The following PDCL3 variants were observed in gnomAD, a reference collection of about 807,000 sequenced individuals.
The protein encoded by PDCL3 is phosducin like 3.
Under a neutral mutation model 26.5 loss-of-function variants are expected in PDCL3, and 22 were observed. That is an observed-to-expected ratio of 0.83 (90% confidence interval 0.59 to 1.19). The LOEUF (loss-of-function observed/expected upper bound fraction) is 1.19. Ranked by LOEUF, PDCL3 falls within the 50% of genes most tolerant of loss-of-function variation. The probability of loss-of-function intolerance (pLI) is 0.00; values close to 1 mark genes in which losing one functional copy is unlikely to be tolerated. For missense variants in PDCL3, 246 were observed against 294.1 expected (o/e 0.84, Z 1.20); for synonymous variants, 81 against 104.9 (o/e 0.77, Z 1.39).
At chr2:100,564,629 C>A (rs1310327185) in intron 1 of PDCL3, among the ~76,000 whole-genome samples, 2 of 152,184 alleles carry the variant, frequency 1.3e-5, no homozygotes, top group Admixed American at 1.3e-4. Flanking sequence ...AGAACTGTTA[C>A]ACAGGGTTGG....
chr2:100,569,133 G>C (rs370228404), intron 3 of PDCL3, 112 bp downstream of exon 3: 3 of 893,274 alleles, frequency 3.4e-6, no homozygotes, highest in African/African-American at 3.4e-5. Flanking sequence ...ACTCATACCT[G>C]TAGTCCCAAC....
In PDCL3 at chr2:100,566,578, G is replaced by T. The variant is rs904409882; in HGVS notation, c.82G>T (p.Glu28Ter). The change falls in exon 2 of 6, where the codon GAA becomes TAA. Residue 28 changes from glutamate (E) to a stop codon, truncating the protein, a stop_gained. Coordinates refer to ENST00000264254, the MANE Select transcript of PDCL3 (RefSeq NM_024065.5). LOFTEE classifies it high-confidence loss of function. Reference sequence around the variant, plus strand: ...CTTACCCCCCAAGGAAAGTCTGAAAGAATTGGAAGAGGAGGCAGAAGAGGA... The same window carrying T: ...CTTACCCCCCAAGGAAAGTCTGAAATAATTGGAAGAGGAGGCAGAAGAGGA... ...GILPPKESLKELEEEAEEEQR... is the reference protein window; with the variant it reads ...GILPPKESLK 6.2e-7 allele frequency: 1 copy of T among 1,614,002 alleles called. No individual in the cohort carries two copies. The highest frequency in any genetic ancestry group is 8.5e-7 in the Non-Finnish European group (1 of 1,179,912).
chr2:100,576,542 C>G lies in PDCL3; in HGVS notation c.*46C>G. On this transcript the variant is annotated 3_prime_UTR_variant, in exon 6 of 6. Coordinates refer to ENST00000264254, the MANE Select transcript of PDCL3 (RefSeq NM_024065.5). ...GCCGAACTTTCTTGTGACAAATTGTCTGGATTTTTTAAAAAAGGAAAAAGC... is the reference window on the plus strand; with the variant it reads ...GCCGAACTTTCTTGTGACAAATTGTGTGGATTTTTTAAAAAAGGAAAAAGC... The G allele has an allele frequency of 6.8e-7, 1 of 1,473,198 alleles. No individual in the cohort carries two copies. The highest frequency in any genetic ancestry group is 9.0e-7 in the Non-Finnish European group (1 of 1,106,458). 91.3% of individuals were successfully genotyped at this position (1,473,198 alleles called of 1,614,324 possible).
Position 100,563,369 on chromosome 2 carries a change from G to C in PDCL3, c.6+296G>C, listed in dbSNP as rs1674992429. Reference sequence around the variant, plus strand: ...GCCTGTGAAGGTCTTGCCGGATCCCGCCTAACAAAAGTTACCTCCTCTCCT... The same window carrying C: ...GCCTGTGAAGGTCTTGCCGGATCCCCCCTAACAAAAGTTACCTCCTCTCCT... On this transcript the variant is annotated intron_variant, in intron 1 of 5. Coordinates refer to ENST00000264254, the MANE Select transcript of PDCL3 (RefSeq NM_024065.5). The C allele has an allele frequency of 1.0e-5, 4 of 394,844 alleles. No individual in the cohort carries two copies. In the South Asian group the frequency reaches 2.5e-4, roughly 25 times the overall value. 24.5% of individuals were successfully genotyped at this position (394,844 alleles called of 1,614,324 possible).
chr2:100,563,398 C>G (rs1674992994), intron 1 of PDCL3: 2 of 330,366 alleles, frequency 6.1e-6, no homozygotes, highest in African/African-American at 4.4e-5. Flanking sequence ...CTCTCCTGAA[C>G]TCCCCTAAGG....
In PDCL3 at chr2:100,567,719, A is replaced by G. The variant is rs999837352; in HGVS notation, c.133+1090A>G. 5.3e-5 allele frequency among the ~76,000 whole-genome samples: 8 copies of G among 152,254 alleles called. No individual in the cohort carries two copies. The East Asian group carries it at 1.5e-3, about 29-fold the overall frequency. On this transcript the variant is annotated intron_variant, in intron 2 of 5. Coordinates refer to ENST00000264254, the MANE Select transcript of PDCL3 (RefSeq NM_024065.5). ...CTGGAGGCGCTGGGGGAGAGAGTTC[A>G]GAGCAGCCTCAGCAGACCCAGAAGC...
At position 100,576,429 on chromosome 2, in the gene PDCL3, A is replaced by G. The variant is rs1675285979; in HGVS notation, c.653A>G (p.Asp218Gly). Residue 218 changes from aspartate (D) to glycine (G), a missense_variant, in exon 6 of 6, where the codon GAC becomes GGC. Coordinates refer to ENST00000264254, the MANE Select transcript of PDCL3 (RefSeq NM_024065.5). ...LEENPKKPIEDVLLSSVRRSV... is the reference protein window; with the variant it reads ...LEENPKKPIEGVLLSSVRRSV... ...GAAAACCCTAAGAAGCCGATTGAAG[A>G]CGTGTTGCTGTCCTCAGTGCGGCGC... is the stretch of plus-strand genomic sequence containing the variant. 1 of 1,613,846 alleles carries G rather than the reference A, an allele frequency of 6.2e-7. No homozygotes were observed. Among genetic ancestry groups the G allele is most frequent in the Admixed American group, 1.7e-5 (1 of 59,988 alleles).
At chr2:100,567,571 T>C (rs1345762447) in intron 2 of PDCL3, among the ~76,000 whole-genome samples, 1 of 152,024 alleles carries the variant, frequency 6.6e-6, no homozygotes, top group Non-Finnish European at 1.5e-5. Flanking sequence ...AGAACACATT[T>C]GAATAGACCT....
At chr2:100,569,124 C>T (rs1317604656) in intron 3 of PDCL3, 103 bp downstream of exon 3, 3 of 978,538 alleles carry the variant, frequency 3.1e-6, no homozygotes, top group Non-Finnish European at 3.1e-6. Context: ...AGCATGGTGA[C>T]TCATACCTGT....
At chr2:100,576,260 T>C (rs1298085694) in intron 5 of PDCL3, 94 bp from the exon 6 acceptor site, 6 of 1,437,998 alleles carry the variant, frequency 4.2e-6, no homozygotes, top group Non-Finnish European at 5.6e-6. Flanking sequence ...ATAATTGTAT[T>C]TTCTACTTAG....
rs913713606 is a variant in PDCL3, at chr2:100,569,792, C to T, written c.368+71C>T. Reference sequence around the variant, plus strand: ...ATGTCTTCAGGATCTCAGGCGTTACCTATATCAGAGGGTTAAGAAATTTTT... The same window carrying T: ...ATGTCTTCAGGATCTCAGGCGTTACTTATATCAGAGGGTTAAGAAATTTTT... On this transcript the variant is annotated intron_variant, in intron 4 of 5. Coordinates refer to ENST00000264254, the MANE Select transcript of PDCL3 (RefSeq NM_024065.5). 1.9e-5 allele frequency: 29 copies of T among 1,540,636 alleles called. No homozygotes were observed. The African/African-American group carries it at 3.7e-4, about 20-fold the overall frequency.
chr2:100,563,266 C>T (rs1283365212), intron 1 of PDCL3, 193 bp downstream of exon 1: 3 of 564,754 alleles, frequency 5.3e-6, no homozygotes, highest in East Asian at 7.0e-5. Flanking sequence ...ACGGCCTGGG[C>T]GTCCCCGCCT....
intron 5 of PDCL3, among the ~76,000 whole-genome samples, chr2:100,572,924 G>A (rs767809138): frequency 6.6e-6 from 1 of 151,794 alleles, no homozygotes; most frequent in Non-Finnish European, 1.5e-5. Context: ...TTGCTCTTTC[G>A]CTCAGGCTGG....
At chr2:100,563,138 C>T in intron 1 of PDCL3, 65 bp downstream of exon 1, 2 of 1,546,730 alleles carry the variant, frequency 1.3e-6, no homozygotes, top group Non-Finnish European at 1.7e-6. Context: ...TAGGCCCGGG[C>T]GGGCAGTGGA....
intron 3 of PDCL3, 50 bp from the exon 4 acceptor site, chr2:100,569,528 T>C (rs376376452): frequency 4.4e-6 from 7 of 1,595,144 alleles, no homozygotes; most frequent in Non-Finnish European, 6.0e-6. Context: ...AGACGATGTG[T>C]GTGTACACGT....
chr2:100,576,447 T>C lies in PDCL3; in HGVS notation c.671T>C (p.Val224Ala). Residue 224 changes from valine to alanine, a missense_variant, in exon 6 of 6, where the codon GTG (valine) becomes GCG (alanine). Transcript: ENST00000264254. ...ATTGAAGACGTGTTGCTGTCCTCAG[T>C]GCGGCGCTCTGTCCTCATGAAGAGG... Reference protein sequence around the residue: ...KPIEDVLLSSVRRSVLMKRDS... With the variant: ...KPIEDVLLSSARRSVLMKRDS... The C allele has an allele frequency of 5.0e-6, 8 of 1,613,874 alleles. No individual in the cohort carries two copies. Among genetic ancestry groups the C allele is most frequent in the Non-Finnish European group, 6.8e-6 (8 of 1,179,830 alleles).
intron 2 of PDCL3, among the ~76,000 whole-genome samples, chr2:100,567,008 G>T (rs1675072440): frequency 6.6e-6 from 1 of 152,188 alleles, no homozygotes; most frequent in Non-Finnish European, 1.5e-5. Flanking sequence ...TTCATTTGGG[G>T]AGGCATAAGA....
chr2:100,571,878 T>C, intron 5 of PDCL3, 80 bp downstream of exon 5: 1 of 1,414,244 alleles, frequency 7.1e-7, no homozygotes. Context: ...TTTCCTGGAC[T>C]CCTGTTACGA....
chr2:100,564,528 C>T (rs1004313821), intron 1 of PDCL3, among the ~76,000 whole-genome samples: 2 of 152,140 alleles, frequency 1.3e-5, no homozygotes, highest in African/African-American at 4.8e-5. Flanking sequence ...GATCTCCTGA[C>T]CTGGTGATCT....
Sources: allele counts gnomAD v4.1 joint callset (sites outside exome capture counted in the v4.1 genomes callset), GRCh38; gene constraint gnomAD v4.1.1; transcripts MANE v1.5; gene names NCBI Gene and HGNC (gene_info 2026-07-23, HGNC 2026-07-21).